CNTNAP3: variants seen among roughly 807,000 people sequenced by gnomAD.
The protein encoded by CNTNAP3 is contactin-associated protein-like 3.
CNTNAP3 carries 36 observed loss-of-function variants against 92.1 expected under a neutral mutation model. That is an observed-to-expected ratio of 0.39 (90% CI 0.30 to 0.52). The LOEUF is 0.52. Among genes scored for constraint, CNTNAP3 ranks in the 20% least tolerant of loss-of-function variants. The probability of loss-of-function intolerance (pLI) is 0.76; values close to 1 mark genes in which losing one functional copy is unlikely to be tolerated. For synonymous variants in CNTNAP3, 232 were observed against 422.3 expected (o/e 0.55, Z 5.53); for missense variants, 534 against 1,069.6 (o/e 0.50, Z 6.98).
intron 18 of CNTNAP3, among the ~76,000 whole-genome samples, chr9:39,090,441 C>A (rs1826167047): frequency 6.6e-6 from 1 of 152,182 alleles, no homozygotes; most frequent in African/African-American, 2.4e-5. Context: ...TAATTTCATT[C>A]ATTTGCATGT....
intron 13 of CNTNAP3, among the ~76,000 whole-genome samples, chr9:39,123,698 A>T (rs1319646709): frequency 6.6e-6 from 1 of 152,154 alleles, no homozygotes; most frequent in Non-Finnish European, 1.5e-5. Context: ...AAAATAAAAC[A>T]CCTTACCTAC....
chr9:39,094,648 T>C (rs1055658542), intron 18 of CNTNAP3, among the ~76,000 whole-genome samples: 3 of 151,664 alleles, frequency 2.0e-5, no homozygotes, highest in African/African-American at 7.2e-5. Context: ...TAAACATCAA[T>C]TGACTGTATG....
In CNTNAP3 at chr9:39,102,723, T is replaced by C; in HGVS notation, c.2537-8A>G. ...AGGTCACTTCTGTGGGAGCTAGAAA[T>C]ATTAGATATGAATATTGCTCAAGCA... On this transcript the variant is annotated splice_region_variant and splice_polypyrimidine_tract_variant and intron_variant, in intron 16 of 23. Coordinates refer to ENST00000297668, the MANE Select transcript of CNTNAP3 (RefSeq NM_033655.5). 1 of 1,059,854 alleles carries C rather than the reference T, an allele frequency of 9.4e-7. No individual in the cohort carries two copies. The highest frequency in any genetic ancestry group is 1.4e-6 in the Non-Finnish European group (1 of 710,734). The allele number at this position is 1,059,854 out of a possible 1,614,324, so 65.7% of individuals were successfully genotyped here. A position where few individuals can be genotyped will look rare whatever the true frequency, so the allele number is the denominator to read the frequency against.
At chr9:39,079,553 G>C (rs1459280073) in intron 21 of CNTNAP3, among the ~76,000 whole-genome samples, 4 of 152,060 alleles carry the variant, frequency 2.6e-5, no homozygotes, top group Admixed American at 1.3e-4. Context: ...TTTCAATATT[G>C]TAAGAGCATT....
At chr9:39,100,202 G>C in intron 17 of CNTNAP3, 52 bp from the exon 18 acceptor site, 1 of 1,370,294 alleles carries the variant, frequency 7.3e-7, no homozygotes, top group Non-Finnish European at 9.9e-7. Flanking sequence ...TTTTATTCAG[G>C]ATTTTATGTC....
chr9:39,086,127 A>C (rs1463113786), intron 20 of CNTNAP3: 4 of 473,556 alleles, frequency 8.4e-6, no homozygotes, highest in Middle Eastern at 1.2e-3. Flanking sequence ...TGGTTGTTTT[A>C]AACTTAAATA....
rs1330270091 is a variant in CNTNAP3, at chr9:39,065,358, ATTGT to A, written c.*8528_*8531del. Among the ~76,000 whole-genome samples the A allele has an allele frequency of 3.1e-4, 47 of 152,346 alleles. No individual in the cohort carries two copies. The highest frequency in any genetic ancestry group is 4.1e-4 in the South Asian group (2 of 4,822). ...GTATTTCATTATTAATACAACACAA[ATTGT>A]TTGTCCATTTTCTTGTTGAAGGTCT... On this transcript the variant is annotated 3_prime_UTR_variant, in exon 24 of 24. Coordinates refer to ENST00000297668, the MANE Select transcript of CNTNAP3 (RefSeq NM_033655.5).
At chr9:39,094,655 T>TA (rs1169536777) in intron 18 of CNTNAP3, among the ~76,000 whole-genome samples, 5 of 151,646 alleles carry the variant, frequency 3.3e-5, no homozygotes, top group African/African-American at 1.2e-4. Flanking sequence ...CAATTGACTG[T>TA]ATGTACGTAG....
intron 15 of CNTNAP3, among the ~76,000 whole-genome samples, chr9:39,107,901 A>G (rs1463811731): frequency 6.6e-6 from 1 of 152,182 alleles, no homozygotes; most frequent in Non-Finnish European, 1.5e-5. Context: ...AATTAACAGA[A>G]TAATTAATGC....
Position 39,101,489 on chromosome 9 carries a change from G to GT in CNTNAP3, c.2755+1007dup, listed in dbSNP as rs1240963930. 3.6e-5 allele frequency among the ~76,000 whole-genome samples: 5 copies of GT among 139,988 alleles called. 1 individual carries two copies. The highest frequency in any genetic ancestry group is 1.3e-4 in the African/African-American group (5 of 38,448). The allele number at this position is 139,988 out of a possible 152,430, so 91.8% of individuals were successfully genotyped here. On this transcript the variant is annotated intron_variant, in intron 17 of 23. Coordinates refer to ENST00000297668, the MANE Select transcript of CNTNAP3 (RefSeq NM_033655.5). ...AAAAATAAACAACAGTGATAAAACA[G>GT]TAAGTAAGCAAACTAAAGGAAAGAC...
chr9:39,108,218 A>C (rs981302696), intron 15 of CNTNAP3, among the ~76,000 whole-genome samples: 8 of 119,034 alleles, frequency 6.7e-5, no homozygotes, highest in African/African-American at 2.7e-4. Context: ...ATCTCAGATG[A>C]GGAGCCCCCA....
At position 39,092,917 on chromosome 9, in the gene CNTNAP3, T is replaced by G. The variant is rs1034613598; in HGVS notation, c.2996-4270A>C. ...TTATTAACTGCATATAAGTTTGTAATTGTTATATCTTTTTGAGGGAGTTAA... is the reference window on the plus strand; with the variant it reads ...TTATTAACTGCATATAAGTTTGTAAGTGTTATATCTTTTTGAGGGAGTTAA... On this transcript the variant is annotated intron_variant, in intron 18 of 23. Coordinates refer to ENST00000297668, the MANE Select transcript of CNTNAP3 (RefSeq NM_033655.5). 7.0e-5 allele frequency among the ~76,000 whole-genome samples: 10 copies of G among 143,744 alleles called. 1 individual carries two copies. Among genetic ancestry groups the G allele is most frequent in the Non-Finnish European group, 1.4e-4 (9 of 65,040 alleles). The allele number at this position is 143,744 out of a possible 152,430, so 94.3% of individuals were successfully genotyped here. A position where few individuals can be genotyped will look rare whatever the true frequency, so the allele number is the denominator to read the frequency against.
In CNTNAP3 at chr9:39,126,462, C is replaced by T. The variant is rs554323646; in HGVS notation, c.2080+6470G>A. Among the ~76,000 whole-genome samples, 437 of 152,152 alleles carry T rather than the reference C, an allele frequency of 2.9e-3. 4 individuals carry two copies. Among genetic ancestry groups the T allele is most frequent in the African/African-American group, 9.9e-3 (413 of 41,518 alleles). The stretch of plus-strand genomic sequence containing the variant: ...AACTCATTCCATGGGCCAGCATTAC[C>T]CTAATACCCAAACCAGCAAAACCTT... On this transcript the variant is annotated intron_variant, in intron 13 of 23. Coordinates refer to ENST00000297668, the MANE Select transcript of CNTNAP3 (RefSeq NM_033655.5).
chr9:39,093,455 A>T (rs1434633808), intron 18 of CNTNAP3, among the ~76,000 whole-genome samples: 2 of 150,994 alleles, frequency 1.3e-5, no homozygotes, highest in African/African-American at 4.9e-5. Context: ...TTGTGCAATT[A>T]TCACCTCTTT....
At chr9:39,142,669 C>G (rs955822863) in intron 11 of CNTNAP3, among the ~76,000 whole-genome samples, 3 of 133,700 alleles carry the variant, frequency 2.2e-5, no homozygotes, top group Non-Finnish European at 4.8e-5. Context: ...AAGACTCCGT[C>G]TCAAAAAAAA....
In CNTNAP3 at chr9:39,128,297, A is replaced by C. The variant is rs554786507; in HGVS notation, c.2080+4635T>G. ...AGATAAAGACAATATGAAAAAAGAAAACTACATATCAATATCTCTTATGAA... is the reference window on the plus strand; with the variant it reads ...AGATAAAGACAATATGAAAAAAGAACACTACATATCAATATCTCTTATGAA... On this transcript the variant is annotated intron_variant, in intron 13 of 23. Coordinates refer to ENST00000297668, the MANE Select transcript of CNTNAP3 (RefSeq NM_033655.5). Among the ~76,000 whole-genome samples, 42 of 152,170 alleles carry C rather than the reference A, an allele frequency of 2.8e-4. 1 individual carries two copies. The South Asian group carries it at 8.1e-3, about 29-fold the overall frequency.
chr9:39,098,675 T>C (rs555845529), intron 18 of CNTNAP3, among the ~76,000 whole-genome samples: 21 of 152,144 alleles, frequency 1.4e-4, no homozygotes, highest in Non-Finnish European at 2.8e-4. Context: ...GCTATGAGAT[T>C]TGTTAGCACA....
At position 39,066,900 on chromosome 9, in the gene CNTNAP3, A is replaced by G. The variant is rs1179704138; in HGVS notation, c.*6990T>C. 1.3e-5 allele frequency among the ~76,000 whole-genome samples: 2 copies of G among 152,234 alleles called. No individual in the cohort carries two copies. Among genetic ancestry groups the G allele is most frequent in the African/African-American group, 4.8e-5 (2 of 41,456 alleles). On this transcript the variant is annotated 3_prime_UTR_variant, in exon 24 of 24. Coordinates refer to ENST00000297668, the MANE Select transcript of CNTNAP3 (RefSeq NM_033655.5). ...TCTGTGGGTTTATAGTTTGCATCAA[A>G]TGTGGAAAATGCTTATGTATTAATT...
chr9:39,121,861 C>T (rs1003386386), intron 13 of CNTNAP3, among the ~76,000 whole-genome samples: 3 of 152,038 alleles, frequency 2.0e-5, no homozygotes, highest in South Asian at 2.1e-4. Flanking sequence ...ACATTATGTT[C>T]TCTCCTTAAC....
Sources: allele counts gnomAD v4.1 joint callset (sites outside exome capture counted in the v4.1 genomes callset), GRCh38; gene constraint gnomAD v4.1.1; transcripts MANE v1.5; gene names NCBI Gene and HGNC (gene_info 2026-07-23, HGNC 2026-07-21).